DRD2: variants seen among roughly 807,000 people sequenced by gnomAD.
DRD2 encodes dopamine receptor D2.
Under a neutral mutation model 38.0 loss-of-function variants are expected in DRD2, and 8 were observed. The observed-to-expected ratio is 0.21, with a 90% CI of 0.12 to 0.38. The LOEUF (loss-of-function observed/expected upper bound fraction) is 0.38, where lower values mean the gene tolerates loss of function less well. DRD2 is among the 10% of genes least tolerant of loss of function. The pLI is 1.00. For synonymous variants in DRD2, 230 were observed against 238.6 expected, an observed-to-expected ratio of 0.96 and a Z score of 0.33; for missense variants, 403 against 607.7, an observed-to-expected ratio of 0.66 and a Z score of 3.54.
At chr11:113,425,889 G>C (rs1197761921) in intron 1 of DRD2, among the ~76,000 whole-genome samples, 1 of 152,094 alleles carries the variant, frequency 6.6e-6, no homozygotes, top group African/African-American at 2.4e-5. Context: ...TGTAGGGTAT[G>C]GCAGTAACGT....
At chr11:113,464,054 C>A (rs376865428) in intron 1 of DRD2, among the ~76,000 whole-genome samples, 9 of 152,196 alleles carry the variant, frequency 5.9e-5, no homozygotes, top group Non-Finnish European at 1.0e-4. Flanking sequence ...ATTTTCTTTC[C>A]TATTCCCTGT....
chr11:113,415,286 CG>C (rs1376567302), intron 5 of DRD2, 134 bp downstream of exon 5: 7 of 1,184,328 alleles, frequency 5.9e-6, no homozygotes, highest in Non-Finnish European at 8.0e-6. Context: ...TGCCCTTGCC[CG>C]GCTCCTGGGA....
chr11:113,412,809 G>A lies in DRD2; in HGVS notation c.885C>T (p.Tyr295=). 6.2e-7 allele frequency: 1 copy of A among 1,613,790 alleles called. No individual in the cohort carries two copies. Among genetic ancestry groups the A allele is most frequent in the African/African-American group, 1.3e-5 (1 of 75,044 alleles). The change falls in exon 7 of 8, where the codon TAC becomes TAT. Residue 295 remains tyrosine (Y), a synonymous_variant. Coordinates refer to ENST00000362072, the MANE Select transcript of DRD2 (RefSeq NM_000795.4). ...GGTGGTGGCTGGGTGGGATGGGGCT[G>A]TACCGGGTCCTCTCGGGTGGGCTGG... ...SSTSPPERTR[Y]SPIPPSHHQL...
chr11:113,448,207 T>G (rs1167602552), intron 1 of DRD2, among the ~76,000 whole-genome samples: 1 of 152,132 alleles, frequency 6.6e-6, no homozygotes, highest in Non-Finnish European at 1.5e-5. Context: ...ATGACGTTCT[T>G]TTCCTGTCCT....
At chr11:113,435,034 C>G (rs1448655979) in intron 1 of DRD2, among the ~76,000 whole-genome samples, 1 of 152,234 alleles carries the variant, frequency 6.6e-6, no homozygotes, top group African/African-American at 2.4e-5. Context: ...ACCCCGCTCT[C>G]TGCTTCTTCC....
chr11:113,467,630 C>T (rs980496231), intron 1 of DRD2, among the ~76,000 whole-genome samples: 4 of 152,188 alleles, frequency 2.6e-5, no homozygotes, highest in African/African-American at 7.2e-5. Context: ...CTGGCCTGTG[C>T]CAGAGCAACA....
chr11:113,459,130 T>C (rs1951293332), intron 1 of DRD2, among the ~76,000 whole-genome samples: 1 of 152,212 alleles, frequency 6.6e-6, no homozygotes, highest in Admixed American at 6.5e-5. Context: ...TCCTCCTCTG[T>C]AAAATGGGAG....
chr11:113,423,547 T>C (rs746438906), intron 2 of DRD2, among the ~76,000 whole-genome samples: 6 of 152,190 alleles, frequency 3.9e-5, no homozygotes, highest in Admixed American at 2.0e-4. Flanking sequence ...GTGCTAGGAT[T>C]ACAGGCGTGA....
At chr11:113,414,127 A>G (rs1322978924) in intron 6 of DRD2, 2 of 557,646 alleles carry the variant, frequency 3.6e-6, no homozygotes, top group African/African-American at 3.8e-5. Flanking sequence ...AATAGCCATT[A>G]TTATCATTTT....
chr11:113,412,257 G>T (rs1029112760), intron 7 of DRD2: 3 of 467,768 alleles, frequency 6.4e-6, no homozygotes, highest in Non-Finnish European at 1.2e-5. Context: ...GGCCCATGAG[G>T]TTCTGGTGCC....
chr11:113,415,285 C>T (rs1950814254), intron 5 of DRD2, 136 bp downstream of exon 5: 10 of 1,179,226 alleles, frequency 8.5e-6, no homozygotes, highest in Non-Finnish European at 1.2e-5. Flanking sequence ...CTGCCCTTGC[C>T]CGGCTCCTGG....
At chr11:113,421,462 C>T (rs1210716153) in intron 2 of DRD2, among the ~76,000 whole-genome samples, 3 of 152,086 alleles carry the variant, frequency 2.0e-5, no homozygotes, top group Non-Finnish European at 4.4e-5. Context: ...AAAATAAATG[C>T]ACACAGGAAG....
At chr11:113,432,412 T>C (rs927231608) in intron 1 of DRD2, among the ~76,000 whole-genome samples, 2 of 151,744 alleles carry the variant, frequency 1.3e-5, no homozygotes, top group Admixed American at 6.6e-5. Context: ...GGATGCAGCA[T>C]AAACCCCAGC....
chr11:113,414,300 GT>G (rs1265196269), intron 6 of DRD2, 74 bp downstream of exon 6: 3 of 1,411,902 alleles, frequency 2.1e-6, no homozygotes, highest in East Asian at 4.6e-5. Context: ...AGCTTCTGAG[GT>G]CTCAGAACCA....
At position 113,414,390 on chromosome 11, in the gene DRD2, C is replaced by G. The variant is rs749540982; in HGVS notation, c.795G>C (p.Val265=). 2 of 1,614,176 alleles carry G rather than the reference C, an allele frequency of 1.2e-6. No individual in the cohort carries two copies. The highest frequency in any genetic ancestry group is 2.2e-5 in the East Asian group (1 of 44,870). Residue 265 remains valine (V), a synonymous_variant, in exon 6 of 8, where the codon GTG becomes GTC. Coordinates refer to ENST00000362072, the MANE Select transcript of DRD2 (RefSeq NM_000795.4). The part of the protein sequence containing the change: ...VIMKSNGSFP[V]NRRRVEAARR... ...GAGCACTTACCACTCTCCGCCTGTT[C>G]ACTGGGAAACTCCCATTAGACTTCA...
intron 1 of DRD2, among the ~76,000 whole-genome samples, chr11:113,443,209 C>T (rs1231542221): frequency 6.6e-6 from 1 of 152,136 alleles, no homozygotes; most frequent in Non-Finnish European, 1.5e-5. Flanking sequence ...GCCTCTATTG[C>T]TCATCTGAGG....
At chr11:113,459,187 C>T (rs1012656184) in intron 1 of DRD2, among the ~76,000 whole-genome samples, 4 of 152,084 alleles carry the variant, frequency 2.6e-5, no homozygotes, top group Admixed American at 2.6e-4. Flanking sequence ...AAAGCTGATG[C>T]ATATAAGGAA....
At chr11:113,449,756 A>G (rs1245212349) in intron 1 of DRD2, among the ~76,000 whole-genome samples, 1 of 152,186 alleles carries the variant, frequency 6.6e-6, no homozygotes, top group African/African-American at 2.4e-5. Context: ...AATACCTAGC[A>G]AGTGGATATA....
At chr11:113,448,942 CCCA>C (rs1951183132) in intron 1 of DRD2, among the ~76,000 whole-genome samples, 2 of 152,320 alleles carry the variant, frequency 1.3e-5, no homozygotes, top group South Asian at 4.1e-4. Flanking sequence ...CCTGCACATG[CCCA>C]CCAAGTCCAC....
Sources: gnomAD v4.1 joint callset for allele counts (sites outside exome capture counted in the v4.1 genomes callset) on GRCh38, gnomAD v4.1.1 for gene constraint, MANE v1.5 for transcripts, NCBI Gene and HGNC (gene_info 2026-07-23, HGNC 2026-07-21) for gene names.